The following HIPK3 variants were observed in gnomAD, a reference collection of about 807,000 sequenced individuals.
The protein encoded by HIPK3 is homeodomain-interacting protein kinase 3.
Under a neutral mutation model 124.2 loss-of-function variants are expected in HIPK3, and 47 were observed. The observed-to-expected ratio is 0.38, with a 90% CI of 0.30 to 0.48. The LOEUF (loss-of-function observed/expected upper bound fraction) is 0.48. Among genes scored for constraint, HIPK3 ranks in the 20% least tolerant of loss-of-function variants. The pLI, the probability that HIPK3 is intolerant of heterozygous loss-of-function variation, is 0.98. For missense variants in HIPK3, 1,286 were observed against 1,454.3 expected (o/e 0.88, Z 1.88); for synonymous variants, 482 against 515.2 (o/e 0.94, Z 0.87).
chr11:33,324,506 G>A (rs1200247002), intron 2 of HIPK3, among the ~76,000 whole-genome samples: 1 of 152,196 alleles, frequency 6.6e-6, no homozygotes, highest in African/African-American at 2.4e-5. Context: ...TGGGAAGCTA[G>A]TTGTGGCAGC....
At chr11:33,342,542 C>CTT (rs371154303) in intron 8 of HIPK3, among the ~76,000 whole-genome samples, 11 of 135,990 alleles carry the variant, frequency 8.1e-5, no homozygotes, top group Admixed American at 6.6e-4. Flanking sequence ...GCTATACATT[C>CTT]TTTTTTTTTT....
At chr11:33,331,219 A>G (rs1252754564) in intron 3 of HIPK3, among the ~76,000 whole-genome samples, 2 of 152,058 alleles carry the variant, frequency 1.3e-5, no homozygotes, top group Non-Finnish European at 2.9e-5. Context: ...TCTGTTTATT[A>G]ATGTGTTTGA....
In HIPK3 at chr11:33,286,881, CCAA is replaced by C; in HGVS notation, c.470_472del (p.Asn157del). Reference sequence around the variant, plus strand: ...TCCATACTTCCTGCAATGTTGCAAACCAACATGGGAAATCCAGTGACAGTTGTG... The same window carrying C: ...TCCATACTTCCTGCAATGTTGCAAACCATGGGAAATCCAGTGACAGTTGTG... On this transcript the variant is annotated inframe_deletion, in exon 2 of 17. Transcript: ENST00000303296. The C allele has an allele frequency of 6.2e-7, 1 of 1,614,132 alleles. No individual in the cohort carries two copies. The highest frequency in any genetic ancestry group is 8.5e-7 in the Non-Finnish European group (1 of 1,180,008).
At chr11:33,315,206 T>C (rs1331987477) in intron 2 of HIPK3, among the ~76,000 whole-genome samples, 3 of 152,156 alleles carry the variant, frequency 2.0e-5, no homozygotes, top group Non-Finnish European at 4.4e-5. Flanking sequence ...TATATGTTAG[T>C]AATGTTCTCA....
At chr11:33,314,341 G>A (rs1306437012) in intron 2 of HIPK3, among the ~76,000 whole-genome samples, 1 of 151,850 alleles carries the variant, frequency 6.6e-6, no homozygotes, top group Non-Finnish European at 1.5e-5. Context: ...GATAATGAAT[G>A]TAAAACATTT....
At chr11:33,298,196 C>G (rs142806205) in intron 2 of HIPK3, among the ~76,000 whole-genome samples, 1,556 of 152,238 alleles carry the variant, frequency 0.01, 7 homozygotes, top group Non-Finnish European at 0.015. Flanking sequence ...TACGCCAAAT[C>G]GACTCTGCCT....
intron 14 of HIPK3, 107 bp downstream of exon 14, chr11:33,349,394 C>A: frequency 2.4e-6 from 2 of 833,646 alleles, no homozygotes; most frequent in South Asian, 4.1e-5. Context: ...ACAGTGACTT[C>A]TATCTTGAAC....
In HIPK3 at chr11:33,265,881, C is replaced by T. The variant is rs535895243; in HGVS notation, c.-3+7992C>T. 2.0e-5 allele frequency among the ~76,000 whole-genome samples: 3 copies of T among 150,058 alleles called. No individual in the cohort carries two copies. In the East Asian group the frequency reaches 5.8e-4, roughly 29 times the overall value. On this transcript the variant is annotated intron_variant, in intron 1 of 16. Transcript: ENST00000303296. ...CGGGTGGGTCATGAGGTCAGGAGGT[C>T]GAGACCATCCTGGCTAACATGGTGA...
intron 1 of HIPK3, among the ~76,000 whole-genome samples, chr11:33,272,187 C>T (rs1486344017): frequency 6.6e-6 from 1 of 152,100 alleles, no homozygotes; most frequent in Non-Finnish European, 1.5e-5. Context: ...CACTTGAGAT[C>T]AGGAGTTAGA....
chr11:33,261,136 A>AAAT (rs58154515), intron 1 of HIPK3, among the ~76,000 whole-genome samples: 2 of 145,162 alleles, frequency 1.4e-5, no homozygotes, highest in Non-Finnish European at 3.0e-5. Context: ...TTATATATAA[A>AAAT]ATATAAAATA....
chr11:33,321,251 T>G (rs1041378783), intron 2 of HIPK3, among the ~76,000 whole-genome samples: 15 of 152,150 alleles, frequency 9.9e-5, no homozygotes, highest in African/African-American at 3.1e-4. Flanking sequence ...ATAAGAGCTA[T>G]CTGGGTGGAA....
rs1852005297 is a variant in HIPK3, at chr11:33,301,743, G to A, written c.1097+14232G>A. 4.0e-5 allele frequency among the ~76,000 whole-genome samples: 6 copies of A among 151,254 alleles called. No individual in the cohort carries two copies. The Admixed American group carries it at 4.0e-4, about 10-fold the overall frequency. On this transcript the variant is annotated intron_variant, in intron 2 of 16. Transcript: ENST00000303296. ...ATGCTGAGGTGGGAGGATTACTTGA[G>A]CCCAGGAAATCAAGGCTGCAGTGAA... is the stretch of plus-strand genomic sequence containing the variant.
intron 9 of HIPK3, 68 bp from the exon 10 acceptor site, chr11:33,347,561 T>G: frequency 6.3e-7 from 1 of 1,584,120 alleles, no homozygotes; most frequent in South Asian, 1.1e-5. Flanking sequence ...AGTTTTGAGT[T>G]TAAGATATGG....
intron 2 of HIPK3, among the ~76,000 whole-genome samples, chr11:33,296,857 T>G (rs888601820): frequency 6.6e-6 from 1 of 152,150 alleles, no homozygotes. Flanking sequence ...GGCCTCTCAG[T>G]GTTCTAAGAG....
chr11:33,350,224 C>T (rs1008312097), intron 14 of HIPK3, among the ~76,000 whole-genome samples: 2 of 152,178 alleles, frequency 1.3e-5, no homozygotes, highest in African/African-American at 4.8e-5. Flanking sequence ...GTCTACAGGA[C>T]ATCCACTATG....
At chr11:33,335,957 C>G (rs1853133071) in intron 3 of HIPK3, among the ~76,000 whole-genome samples, 1 of 152,114 alleles carries the variant, frequency 6.6e-6, no homozygotes, top group Non-Finnish European at 1.5e-5. Context: ...GTACCATGCA[C>G]TTTCATGGGC....
intron 2 of HIPK3, among the ~76,000 whole-genome samples, chr11:33,302,080 A>G (rs2133927863): frequency 6.6e-6 from 1 of 152,256 alleles, no homozygotes; most frequent in African/African-American, 2.4e-5. Context: ...TGGAAACAGC[A>G]TTGTAATCAA....
At chr11:33,344,725 A>G (rs985440251) in intron 8 of HIPK3, among the ~76,000 whole-genome samples, 6 of 152,226 alleles carry the variant, frequency 3.9e-5, no homozygotes, top group East Asian at 3.8e-4. Context: ...TTTAGCTTTT[A>G]TAACAGGTGC....
At chr11:33,281,058 CTTTTTTTTTTTTTTTTT>C (rs56902582) in intron 1 of HIPK3, among the ~76,000 whole-genome samples, 2 of 111,808 alleles carry the variant, frequency 1.8e-5, no homozygotes, top group Non-Finnish European at 3.5e-5. Flanking sequence ...ACTTATTTGA[CTTTTTTTTTTTTTTTTT>C]TTTTTTTTTT....
Sources: allele counts gnomAD v4.1 joint callset (sites outside exome capture counted in the v4.1 genomes callset), GRCh38; gene constraint gnomAD v4.1.1; transcripts MANE v1.5; gene names NCBI Gene and HGNC (gene_info 2026-07-23, HGNC 2026-07-21).